TUT4: variants seen among roughly 807,000 people sequenced by gnomAD.
The protein encoded by TUT4 is terminal uridylyl transferase 4.
In TUT4, 36 loss-of-function variants were observed where a neutral mutation model predicts 192.2. The observed-to-expected ratio is 0.19, with a 90% CI of 0.14 to 0.25. The LOEUF (loss-of-function observed/expected upper bound fraction) is 0.25, where lower values mean the gene tolerates loss of function less well. TUT4 is among the 10% of genes least tolerant of loss of function. The probability of loss-of-function intolerance (pLI) is 1.00; values close to 1 mark genes in which losing one functional copy is unlikely to be tolerated. For synonymous variants in TUT4, 618 were observed against 666.0 expected, an observed-to-expected ratio of 0.93 and a Z score of 1.11; for missense variants, 1,493 against 1,957.2, an observed-to-expected ratio of 0.76 and a Z score of 4.47.
chr1:52,453,799 A>C (rs1394576578), intron 20 of TUT4, among the ~76,000 whole-genome samples: 2 of 152,236 alleles, frequency 1.3e-5, no homozygotes, highest in Non-Finnish European at 2.9e-5. Context: ...GAGAAGAAAT[A>C]AAACTGTTCA....
rs538047313 is a variant in TUT4 at position 52,541,515 on chromosome 1, G to C, written c.-94+11416C>G. Reference sequence around the variant, plus strand: ...CCATTGCGCTCCAGCCTGGGTGACAGAGCGAGACTCCGTCTCAAAAAAAAA... The same window carrying C: ...CCATTGCGCTCCAGCCTGGGTGACACAGCGAGACTCCGTCTCAAAAAAAAA... On this transcript the variant is annotated intron_variant, in intron 1 of 29. Transcript: ENST00000257177. Among the ~76,000 whole-genome samples the C allele has an allele frequency of 1.2e-4, 18 of 150,794 alleles. No individual in the cohort carries two copies. The South Asian group carries it at 3.5e-3, about 30-fold the overall frequency.
chr1:52,436,729 A>G, intron 26 of TUT4, 26 bp downstream of exon 26: 1 of 1,611,420 alleles, frequency 6.2e-7, no homozygotes, highest in Non-Finnish European at 8.5e-7. Flanking sequence ...TTCTACCAGA[A>G]ACTATGTTTG....
At chr1:52,487,599 T>C (rs1053875020) in intron 9 of TUT4, among the ~76,000 whole-genome samples, 2 of 152,082 alleles carry the variant, frequency 1.3e-5, no homozygotes, top group African/African-American at 4.8e-5. Flanking sequence ...TCCACTCTCT[T>C]CCATGGGTTA....
intron 20 of TUT4, among the ~76,000 whole-genome samples, chr1:52,450,962 G>A (rs924923283): frequency 1.2e-4 from 18 of 152,070 alleles, no homozygotes; most frequent in African/African-American, 4.1e-4. Context: ...CCTAAACAAC[G>A]ATTATAATAA....
chr1:52,511,678 G>A (rs1677202855), intron 3 of TUT4, among the ~76,000 whole-genome samples: 1 of 152,042 alleles, frequency 6.6e-6, no homozygotes, highest in African/African-American at 2.4e-5. Context: ...GAGGCAGGAA[G>A]GTACCTAAAA....
chr1:52,509,656 A>C lies in TUT4; in HGVS notation c.939T>G (p.Ile313Met). The C allele has an allele frequency of 6.2e-7, 1 of 1,612,294 alleles. No individual in the cohort carries two copies. The highest frequency in any genetic ancestry group is 8.5e-7 in the Non-Finnish European group (1 of 1,178,722). Residue 313 changes from isoleucine (I) to methionine (M), a missense_variant, in exon 4 of 30, where the codon ATT (isoleucine) becomes ATG (methionine). Ile to Met is a conservative substitution (Grantham distance 10). Around this residue, in one of 7 missense-constraint regions of TUT4, gnomAD observed 437 missense variants for 577.6 expected, o/e 0.76. Transcript: ENST00000257177. ...RYLCKLCLIH[I>M]ENIQGAHKHI... ...GTTTATGAGCCCCCTGGATATTTTCAATGTGAATTAAGCAAAGTTTGCATA... is the reference window on the plus strand; with the variant it reads ...GTTTATGAGCCCCCTGGATATTTTCCATGTGAATTAAGCAAAGTTTGCATA...
intron 15 of TUT4, among the ~76,000 whole-genome samples, chr1:52,466,242 T>C (rs1664086750): frequency 6.6e-6 from 1 of 152,170 alleles, no homozygotes; most frequent in South Asian, 2.1e-4. Context: ...CAATACTTTA[T>C]ATACTCCTAT....
chr1:52,501,562 A>C (rs143008911), intron 4 of TUT4, among the ~76,000 whole-genome samples: 1 of 152,322 alleles, frequency 6.6e-6, no homozygotes, highest in Non-Finnish European at 1.5e-5. Flanking sequence ...AATCCCAAAA[A>C]ACTAAACATG....
At chr1:52,505,302 G>A (rs1196800759) in intron 4 of TUT4, among the ~76,000 whole-genome samples, 2 of 151,830 alleles carry the variant, frequency 1.3e-5, no homozygotes, top group Non-Finnish European at 2.9e-5. Flanking sequence ...ATATTGCCCA[G>A]GCTGATCTCA....
At chr1:52,463,747 G>A (rs1429137814) in intron 16 of TUT4, 1 of 1,304,242 alleles carries the variant, frequency 7.7e-7, no homozygotes, top group Non-Finnish European at 1.0e-6. Flanking sequence ...CTTCCCTGGA[G>A]CTTGGACAAT....
chr1:52,476,557 T>TGG lies in TUT4; in HGVS notation c.2024-1024_2024-1023dup, dbSNP rs1404120590. 5.3e-5 allele frequency among the ~76,000 whole-genome samples: 8 copies of TGG among 152,276 alleles called. No individual in the cohort carries two copies. In the East Asian group the frequency reaches 1.5e-3, roughly 29 times the overall value. On this transcript the variant is annotated intron_variant, in intron 12 of 29. Coordinates refer to ENST00000257177, the MANE Select transcript of TUT4 (RefSeq NM_001009881.3). ...AGGCCAGGCTTCAAACTGTTAAAGT[T>TGG]GGGGCATCTGTTACTTTTTGCTGCT...
chr1:52,493,061 T>A (rs894650142), intron 7 of TUT4, among the ~76,000 whole-genome samples: 5 of 152,154 alleles, frequency 3.3e-5, no homozygotes, highest in African/African-American at 4.8e-5. Flanking sequence ...CAAAAGGCAG[T>A]AGTTTTTTGC....
In TUT4 at chr1:52,461,623, TA is replaced by T. The variant is rs750120884; in HGVS notation, c.3128-8del. 4.8e-3 allele frequency: 6,676 copies of T among 1,386,492 alleles called. 1 individual carries two copies. The highest frequency in any genetic ancestry group is 9.1e-3 in the Admixed American group (427 of 46,724). 85.9% of individuals were successfully genotyped at this position (1,386,492 alleles called of 1,614,324 possible). On this transcript the variant is annotated splice_region_variant and splice_polypyrimidine_tract_variant and intron_variant, in intron 17 of 29. Transcript: ENST00000257177. Reference sequence around the variant, plus strand: ...GGCAAAATGTTTCTTAAACCTAATTTAAAAAAAAAAGACTTCAGTAGGTTAA... The same window carrying T: ...GGCAAAATGTTTCTTAAACCTAATTTAAAAAAAAAGACTTCAGTAGGTTAA...
chr1:52,495,097 A>G (rs1672128867), intron 6 of TUT4, among the ~76,000 whole-genome samples: 2 of 152,186 alleles, frequency 1.3e-5, no homozygotes, highest in Admixed American at 1.3e-4. Context: ...CTTATCACAG[A>G]TAAGATCTGA....
At chr1:52,450,533 C>G (rs1398140356) in intron 20 of TUT4, among the ~76,000 whole-genome samples, 1 of 152,044 alleles carries the variant, frequency 6.6e-6, no homozygotes, top group African/African-American at 2.4e-5. Context: ...AGCAATAATG[C>G]TGCTAATGAG....
At chr1:52,491,678 C>A (rs1671190294) in intron 7 of TUT4, among the ~76,000 whole-genome samples, 2 of 151,988 alleles carry the variant, frequency 1.3e-5, no homozygotes, top group Admixed American at 1.3e-4. Flanking sequence ...GAGCGAGACT[C>A]CATCTCAAAA....
At chr1:52,504,967 T>C (rs1052955008) in intron 4 of TUT4, among the ~76,000 whole-genome samples, 1 of 152,262 alleles carries the variant, frequency 6.6e-6, no homozygotes, top group African/African-American at 2.4e-5. Context: ...ATTTTGCTTA[T>C]CTATTCATCC....
At chr1:52,443,590 CA>C (rs200186145) in intron 24 of TUT4, among the ~76,000 whole-genome samples, 13,238 of 144,590 alleles carry the variant, frequency 0.092, 719 homozygotes, top group East Asian at 0.2. Context: ...AACTCCGTCT[CA>C]AAAAAAAAAA....
At chr1:52,439,716 TCC>T (rs1283353353) in intron 24 of TUT4, among the ~76,000 whole-genome samples, 48 of 152,204 alleles carry the variant, frequency 3.2e-4, no homozygotes, top group Admixed American at 2.6e-3. Flanking sequence ...AGAAAACAGT[TCC>T]TTGAAAAGTT....
Sources: gnomAD v4.1 joint callset for allele counts (sites outside exome capture counted in the v4.1 genomes callset) on GRCh38, gnomAD v4.1.1 for gene constraint, gnomAD v4.1.1 regional missense constraint, MANE v1.5 for transcripts, NCBI Gene and HGNC (gene_info 2026-07-23, HGNC 2026-07-21) for gene names.